The following NPHP4 variants were observed in gnomAD, a reference collection of about 807,000 sequenced individuals.
NPHP4 encodes nephrocystin-4.
In NPHP4, 151 loss-of-function variants were observed where a neutral mutation model predicts 155.8. The observed-to-expected ratio is 0.97, with a 90% CI of 0.85 to 1.11. NPHP4 has a LOEUF of 1.11. Among genes scored for constraint, NPHP4 ranks in the 50% least tolerant of loss-of-function variants. The pLI is 0.00. For missense variants in NPHP4, 1,956 were observed against 1,925.7 expected (o/e 1.02, Z -0.29); for synonymous variants, 845 against 816.8 (o/e 1.03, Z -0.59).
At chr1:5,934,939 G>A (rs1327157682) in intron 9 of NPHP4, among the ~76,000 whole-genome samples, 1 of 152,178 alleles carries the variant, frequency 6.6e-6, no homozygotes, top group Non-Finnish European at 1.5e-5. Context: ...TGCCAGTGGG[G>A]AACAGCCACA....
chr1:5,953,241 G>A (rs1016722886), intron 6 of NPHP4, among the ~76,000 whole-genome samples: 3 of 152,158 alleles, frequency 2.0e-5, no homozygotes, highest in East Asian at 1.9e-4. Context: ...AAGTAGCTGC[G>A]ATTACAGGTG....
Position 5,874,962 on chromosome 1 carries a change from C to G in NPHP4, c.2956G>C (p.Gly986Arg). 1 of 1,613,350 alleles carries G rather than the reference C, an allele frequency of 6.2e-7. No homozygotes were observed. Among genetic ancestry groups the G allele is most frequent in the Admixed American group, 1.7e-5 (1 of 60,014 alleles). The part of the protein sequence containing the change: ...TTEHTLHATL[G>R]VAEFFEFVLK... ...ACAAACTCAAAGAACTCGGCGACCC[C>G]CAGCGTGGCGTGGAGCGTGTGCTCC... is the stretch of plus-strand genomic sequence containing the variant. Residue 986 changes from glycine (G) to arginine (R), a missense_variant, in exon 21 of 30, where the codon GGG becomes CGG. Gly to Arg is a moderately radical substitution (Grantham distance 125). Coordinates refer to ENST00000378156, the MANE Select transcript of NPHP4 (RefSeq NM_015102.5).
intron 27 of NPHP4, 70 bp from the exon 28 acceptor site, chr1:5,864,587 C>G: frequency 7.2e-7 from 1 of 1,390,498 alleles, no homozygotes; most frequent in Non-Finnish European, 9.5e-7. Context: ...TCCTGGGCGC[C>G]TGCAGCCCAA....
At chr1:5,906,229 G>T (rs756462217) in intron 13 of NPHP4, among the ~76,000 whole-genome samples, 1 of 152,218 alleles carries the variant, frequency 6.6e-6, no homozygotes, top group Admixed American at 6.5e-5. Context: ...CTGTGGCACC[G>T]AGCCCCTGGC....
intron 5 of NPHP4, among the ~76,000 whole-genome samples, chr1:5,964,345 C>A (rs1015460274): frequency 1.3e-5 from 2 of 152,164 alleles, no homozygotes; most frequent in African/African-American, 2.4e-5. Flanking sequence ...TTTAAAGGAA[C>A]CAGATGGCAG....
chr1:5,912,221 G>T (rs1242389187), intron 11 of NPHP4, among the ~76,000 whole-genome samples: 1 of 152,228 alleles, frequency 6.6e-6, no homozygotes, highest in Admixed American at 6.5e-5. Flanking sequence ...GTGCAGAACT[G>T]GGAAGGCAGC....
At chr1:5,960,020 G>A (rs1282556548) in intron 6 of NPHP4, among the ~76,000 whole-genome samples, 6 of 152,230 alleles carry the variant, frequency 3.9e-5, no homozygotes. Flanking sequence ...CTGGCCAGCA[G>A]AACAGGGGCC....
At position 5,866,167 on chromosome 1, in the gene NPHP4, G is replaced by A. The variant is rs1641196192; in HGVS notation, c.3644+206C>T. 3 of 593,424 alleles carry A rather than the reference G, an allele frequency of 5.1e-6. No homozygotes were observed. In the East Asian group the frequency reaches 8.6e-5, roughly 17 times the overall value. The allele number at this position is 593,424 out of a possible 1,614,324, so 36.8% of individuals were successfully genotyped here. A position where few individuals can be genotyped will look rare whatever the true frequency, so the allele number is the denominator to read the frequency against. The stretch of plus-strand genomic sequence containing the variant: ...CAGGAGCTGCATCCCAAGTCCCTCA[G>A]GCTGCACGTGCCCCTCCAAGGTGCC... On this transcript the variant is annotated intron_variant, in intron 26 of 29. Transcript: ENST00000378156.
chr1:5,864,526 G>T lies in NPHP4; in HGVS notation c.3817-9C>A. On this transcript the variant is annotated splice_polypyrimidine_tract_variant and intron_variant, in intron 27 of 29. Transcript: ENST00000378156. ...ACACCTTTGGGGTCTGTCTTCAAGA[G>T]CGAGAGAGGCGGGTCAGAGCACAGC... 1.3e-6 allele frequency: 2 copies of T among 1,537,328 alleles called. No individual in the cohort carries two copies. Among genetic ancestry groups the T allele is most frequent in the African/African-American group, 1.4e-5 (1 of 72,982 alleles).
chr1:5,868,260 G>A (rs141629391), intron 23 of NPHP4: 10 of 370,628 alleles, frequency 2.7e-5, no homozygotes, highest in African/African-American at 4.2e-5. Context: ...GTGCATGTGC[G>A]CAAGTCAGGC....
chr1:5,873,119 C>G, intron 23 of NPHP4, 133 bp downstream of exon 23: 1 of 768,292 alleles, frequency 1.3e-6, no homozygotes, highest in South Asian at 1.5e-5. Flanking sequence ...AAGGCCATTC[C>G]CAGGCCCACG....
chr1:5,953,735 G>A (rs1178468412), intron 6 of NPHP4, among the ~76,000 whole-genome samples: 2 of 152,192 alleles, frequency 1.3e-5, no homozygotes, highest in Non-Finnish European at 2.9e-5. Context: ...GAGAGGGAAG[G>A]ACCCTGGGCT....
In NPHP4 at chr1:5,944,798, C is replaced by T. The variant is rs541041846; in HGVS notation, c.1119+2306G>A. On this transcript the variant is annotated intron_variant, in intron 9 of 29. Coordinates refer to ENST00000378156, the MANE Select transcript of NPHP4 (RefSeq NM_015102.5). The surrounding 1 kb of genome is among the most constrained non-coding windows in gnomAD (Gnocchi z 4.3). The stretch of plus-strand genomic sequence containing the variant: ...CTGCCTGGCCAACGTGGGAAAACCC[C>T]GTCTCTATTAAAAATACAAAAATTA... 6.6e-5 allele frequency among the ~76,000 whole-genome samples: 10 copies of T among 152,268 alleles called. No individual in the cohort carries two copies. The highest frequency in any genetic ancestry group is 3.4e-3 in the Middle Eastern group (1 of 294).
intron 3 of NPHP4, among the ~76,000 whole-genome samples, chr1:5,971,277 AG>A (rs1652513032): frequency 6.6e-6 from 1 of 152,204 alleles, no homozygotes; most frequent in African/African-American, 2.4e-5. Flanking sequence ...ACAGCAACAG[AG>A]CCCCAGAGCT....
intron 19 of NPHP4, 130 bp from the exon 20 acceptor site, chr1:5,877,428 A>T (rs1425354041): frequency 1.7e-6 from 1 of 603,722 alleles, no homozygotes; most frequent in Non-Finnish European, 2.8e-6. Flanking sequence ...TGCTTTTTGC[A>T]GCTCCAATCT....
intron 3 of NPHP4, among the ~76,000 whole-genome samples, chr1:5,972,891 TTTTC>T (rs1424074941): frequency 6.6e-6 from 1 of 151,892 alleles, no homozygotes; most frequent in Non-Finnish European, 1.5e-5. Context: ...TTTGTTTGGT[TTTTC>T]TTTTTTTTGA....
chr1:5,867,614 G>A lies in NPHP4; in HGVS notation c.3472+126C>T, dbSNP rs1641379922. 1.1e-6 allele frequency: 1 copy of A among 941,662 alleles called. No individual in the cohort carries two copies. Among genetic ancestry groups the A allele is most frequent in the Non-Finnish European group, 1.6e-6 (1 of 631,624 alleles). 58.3% of individuals were successfully genotyped at this position (941,662 alleles called of 1,614,324 possible). A position where few individuals can be genotyped will look rare whatever the true frequency, so the allele number is the denominator to read the frequency against. On this transcript the variant is annotated intron_variant, in intron 24 of 29. Transcript: ENST00000378156. The surrounding 1 kb of genome is among the most constrained non-coding windows in gnomAD (Gnocchi z 4.1). ...AAAGGCAGGAGAGAGAATTCCCCAG[G>A]CCCCACGTGCTGCTCTGACAGCACC...
intron 9 of NPHP4, among the ~76,000 whole-genome samples, chr1:5,939,723 T>C (rs1416112728): frequency 6.6e-6 from 1 of 152,086 alleles, no homozygotes; most frequent in Admixed American, 6.5e-5. Context: ...CAACAGGAAA[T>C]CCCATTCCCC....
Position 5,863,912 on chromosome 1 carries a change from C to A in NPHP4, c.4118G>T (p.Arg1373Leu), listed in dbSNP as rs768550124. ...HLHSDHPELL[R>L]FREDSFQVGG... ...CACCTGGAAGGAGTCCTCTCTGAAC[C>A]GCAGCAGCTCCGGGTGGTCGCTGTG... is the stretch of plus-strand genomic sequence containing the variant. The change falls in exon 29 of 30, where the codon CGG becomes CTG. Residue 1373 changes from arginine (R) to leucine (L), a missense_variant. Coordinates refer to ENST00000378156, the MANE Select transcript of NPHP4 (RefSeq NM_015102.5). 8.1e-6 allele frequency: 13 copies of A among 1,613,810 alleles called. No homozygotes were observed. Among genetic ancestry groups the A allele is most frequent in the Non-Finnish European group, 1.0e-5 (12 of 1,179,888 alleles).
Sources: allele counts gnomAD v4.1 joint callset (sites outside exome capture counted in the v4.1 genomes callset), GRCh38; gene constraint gnomAD v4.1.1; non-coding constraint Gnocchi (gnomAD v3.1); transcripts MANE v1.5; gene names NCBI Gene and HGNC (gene_info 2026-07-23, HGNC 2026-07-21).